The following ERVK3-1 variants were observed in gnomAD, a reference collection of about 807,000 sequenced individuals.
ERVK3-1 encodes the protein endogenous retrovirus group K3 member 1, also known as HERV-K(HML6-1).
At chr19:58,308,710 T>G (rs2051539299) in intron 2 of ERVK3-1, among the ~76,000 whole-genome samples, 2 of 152,136 alleles carry the variant, frequency 1.3e-5, no homozygotes, top group Admixed American at 6.6e-5. Flanking sequence ...CTCCACCCAC[T>G]GCCTTGCTGC....
rs1473196929 is a variant in ERVK3-1, at chr19:58,313,787, C to T, written c.295-961C>T. 6.6e-6 allele frequency among the ~76,000 whole-genome samples: 1 copy of T among 152,202 alleles called. No homozygotes were observed. The highest frequency in any genetic ancestry group is 1.5e-5 in the Non-Finnish European group (1 of 68,026). ...ATGGATCCCTGTCAATTTGTGCAAA[C>T]CTTGGGCTGCCACCCCTGCTTTACA... is the stretch of plus-strand genomic sequence containing the variant. On this transcript the variant is annotated intron_variant, in intron 3 of 3. Coordinates refer to ENST00000413518, the Ensembl canonical transcript of ERVK3-1. The surrounding 1 kb of genome is among the most constrained non-coding windows in gnomAD (Gnocchi z 4.5).
In ERVK3-1 at chr19:58,308,054, A is replaced by G. The variant is rs906604458; in HGVS notation, c.-4+1838A>G. Among the ~76,000 whole-genome samples the G allele has an allele frequency of 5.3e-5, 8 of 152,210 alleles. No individual in the cohort carries two copies. The East Asian group carries it at 1.3e-3, about 26-fold the overall frequency. On this transcript the variant is annotated intron_variant, in intron 2 of 3. Coordinates refer to ENST00000413518, the Ensembl canonical transcript of ERVK3-1. Reference sequence around the variant, plus strand: ...CCTGGATTGTTGACTCTGATTATGAAGGAGAAATTCAAGTAATTGTAATGT... The same window carrying G: ...CCTGGATTGTTGACTCTGATTATGAGGGAGAAATTCAAGTAATTGTAATGT...
At position 58,313,325 on chromosome 19, in the gene ERVK3-1, C is replaced by T. The variant is rs1325126536; in HGVS notation, c.294+863C>T. Among the ~76,000 whole-genome samples, 2 of 152,154 alleles carry T rather than the reference C, an allele frequency of 1.3e-5. No individual in the cohort carries two copies. The highest frequency in any genetic ancestry group is 2.9e-5 in the Non-Finnish European group (2 of 68,036). On this transcript the variant is annotated intron_variant, in intron 3 of 3. Transcript: ENST00000413518. This position sits in a 1 kb window ranked among gnomAD's most constrained non-coding sequence, Gnocchi z 4.5. ...TGTTTGAGATGGAGTCTCACTCTGT[C>T]GCCCAGGCTGGAGTGCAGTGGCGCA...
intron 3 of ERVK3-1, among the ~76,000 whole-genome samples, chr19:58,314,400 G>A (rs2051576580): frequency 6.6e-6 from 1 of 151,952 alleles, no homozygotes; most frequent in South Asian, 2.1e-4. Context: ...GCCGAGGCAG[G>A]CAGATCACGA....
chr19:58,306,904 G>C (rs973993895), intron 2 of ERVK3-1, among the ~76,000 whole-genome samples: 7 of 152,238 alleles, frequency 4.6e-5, no homozygotes, highest in African/African-American at 1.7e-4. Flanking sequence ...AGGATTGTTA[G>C]AATCTGTATT....
Position 58,314,223 on chromosome 19 carries a change from T to C in ERVK3-1, c.295-525T>C, listed in dbSNP as rs368649212. Among the ~76,000 whole-genome samples the C allele has an allele frequency of 8.5e-5, 13 of 152,322 alleles. No individual in the cohort carries two copies. In the South Asian group the frequency reaches 2.7e-3, roughly 32 times the overall value. Reference sequence around the variant, plus strand: ...TTGCAGGGAGCTTTTACATCCAATATTACTTTTGATATCAGTAACTTACAG... The same window carrying C: ...TTGCAGGGAGCTTTTACATCCAATACTACTTTTGATATCAGTAACTTACAG... On this transcript the variant is annotated intron_variant, in intron 3 of 3. Transcript: ENST00000413518.
downstream of ERVK3-1, among the ~76,000 whole-genome samples, chr19:58,316,234 C>G (rs531060591): frequency 6.6e-6 from 1 of 152,320 alleles, no homozygotes; most frequent in East Asian, 1.9e-4. Context: ...CCTCATGGTT[C>G]TCCTGCCTCC....
At position 58,313,270 on chromosome 19, in the gene ERVK3-1, GT is replaced by G. The variant is rs1261833866; in HGVS notation, c.294+811del. ...AAAAAATATTACCACTCAATTTACG[GT>G]TTGTGGGTTTTTTGTTGTTGTTGTT... On this transcript the variant is annotated intron_variant, in intron 3 of 3. Transcript: ENST00000413518. This position sits in a 1 kb window ranked among gnomAD's most constrained non-coding sequence, Gnocchi z 4.5. Among the ~76,000 whole-genome samples, 1 of 152,052 alleles carries G rather than the reference GT, an allele frequency of 6.6e-6. No homozygotes were observed. The highest frequency in any genetic ancestry group is 2.4e-5 in the African/African-American group (1 of 41,382).
At chr19:58,307,419 G>A (rs1370632198) in intron 2 of ERVK3-1, among the ~76,000 whole-genome samples, 1 of 152,222 alleles carries the variant, frequency 6.6e-6, no homozygotes, top group Non-Finnish European at 1.5e-5. Context: ...CTGTCAGGAT[G>A]TGGGAACTGA....
downstream of ERVK3-1, among the ~76,000 whole-genome samples, chr19:58,316,244 C>A (rs1054950697): frequency 3.3e-5 from 5 of 152,188 alleles, no homozygotes; most frequent in Non-Finnish European, 5.9e-5. Context: ...CTCCTGCCTC[C>A]CGTTGCCCCC....
Position 58,314,435 on chromosome 19 carries a change from G to A in ERVK3-1, c.295-313G>A, listed in dbSNP as rs193013846. Among the ~76,000 whole-genome samples the A allele has an allele frequency of 3.5e-3, 526 of 152,010 alleles. 2 individuals carry two copies. Among genetic ancestry groups the A allele is most frequent in the African/African-American group, 0.012 (504 of 41,464 alleles). ...AGGTCAGAAGATCGAGACCATCCTG[G>A]CTAAAACAGTGAAACCCCATCTCTA... On this transcript the variant is annotated intron_variant, in intron 3 of 3. Coordinates refer to ENST00000413518, the Ensembl canonical transcript of ERVK3-1.
At chr19:58,314,620 C>A (rs1195083548) in intron 3 of ERVK3-1, 128 bp from the exon 4 acceptor site, 23 of 330,786 alleles carry the variant, frequency 7.0e-5, no homozygotes, top group Non-Finnish European at 1.1e-4. Context: ...GAGCGAGACT[C>A]CATCTCAAAA....
At position 58,313,312 on chromosome 19, in the gene ERVK3-1, A is replaced by T. The variant is rs763090873; in HGVS notation, c.294+850A>T. Among the ~76,000 whole-genome samples, 4 of 152,110 alleles carry T rather than the reference A, an allele frequency of 2.6e-5. No individual in the cohort carries two copies. The highest frequency in any genetic ancestry group is 4.4e-5 in the Non-Finnish European group (3 of 68,030). On this transcript the variant is annotated intron_variant, in intron 3 of 3. Transcript: ENST00000413518. The surrounding 1 kb of genome is among the most constrained non-coding windows in gnomAD (Gnocchi z 4.5). ...TGTTGTTGTTAACTGTTTGAGATGG[A>T]GTCTCACTCTGTCGCCCAGGCTGGA...
At position 58,314,743 on chromosome 19, in the gene ERVK3-1, C is replaced by G. The variant is rs763687889; in HGVS notation, c.295-5C>G. ...GTTGTTATGTCTCTGTTTTTTTGCT[C>G]ATAGTCTATAGGATCGGGTGAACCA... is the stretch of plus-strand genomic sequence containing the variant. On this transcript the variant is annotated splice_polypyrimidine_tract_variant and splice_region_variant and intron_variant, in intron 3 of 3. Transcript: ENST00000413518. 2.5e-6 allele frequency: 1 copy of G among 396,444 alleles called. No individual in the cohort carries two copies. The allele number at this position is 396,444 out of a possible 1,614,324, so 24.6% of individuals were successfully genotyped here. A position where few individuals can be genotyped will look rare whatever the true frequency, so the allele number is the denominator to read the frequency against.
In ERVK3-1 at chr19:58,310,902, G is replaced by C. The variant is rs753519755; in HGVS notation, c.-3-1264G>C. On this transcript the variant is annotated intron_variant, in intron 2 of 3. Coordinates refer to ENST00000413518, the Ensembl canonical transcript of ERVK3-1. The surrounding 1 kb of genome is among the most constrained non-coding windows in gnomAD (Gnocchi z 4.7). ...ACACTTTTCGCTACCGCTAGACCAC[G>C]GTCTTCCCAAACGCTGGCGTCACCA... 5.1e-6 allele frequency: 2 copies of C among 390,628 alleles called. No individual in the cohort carries two copies. Among genetic ancestry groups the C allele is most frequent in the Non-Finnish European group, 1.0e-5 (2 of 190,528 alleles). The allele number at this position is 390,628 out of a possible 1,614,324, so 24.2% of individuals were successfully genotyped here.
At chr19:58,311,373 A>C (rs1445158613) in intron 2 of ERVK3-1, 2 of 152,172 alleles carry the variant, frequency 1.3e-5, no homozygotes, top group Non-Finnish European at 1.5e-5. Context: ...TGGGGCCACT[A>C]TCTCTAGGTA....
intron 2 of ERVK3-1, among the ~76,000 whole-genome samples, chr19:58,307,305 A>G (rs189430863): frequency 7.5e-4 from 114 of 152,376 alleles, no homozygotes; most frequent in Admixed American, 1.8e-3. Context: ...TGCTCCTGCG[A>G]AAATGCTTAC....
rs1395684708 is a variant in ERVK3-1 at position 58,312,623 on chromosome 19, A to G, written c.294+161A>G. ...ACTCCGTCTGACACAGAGCAATAGC[A>G]TCAATTACACCGGCCCATTGGAAGG... On this transcript the variant is annotated intron_variant, in intron 3 of 3. Coordinates refer to ENST00000413518, the Ensembl canonical transcript of ERVK3-1. The surrounding 1 kb of genome is among the most constrained non-coding windows in gnomAD (Gnocchi z 4.7). 6.6e-6 allele frequency among the ~76,000 whole-genome samples: 1 copy of G among 152,172 alleles called. No homozygotes were observed.
exon 4 of ERVK3-1, chr19:58,315,289 C>T (rs2038669830): frequency 6.6e-6 from 1 of 152,382 alleles, no homozygotes; most frequent in Non-Finnish European, 1.5e-5. Context: ...GTTGATGCCA[C>T]CTGTATGTGC....
Sources: allele counts gnomAD v4.1 joint callset (sites outside exome capture counted in the v4.1 genomes callset), GRCh38; gene constraint gnomAD v4.1.1; non-coding constraint Gnocchi (gnomAD v3.1); transcripts MANE v1.5; gene names NCBI Gene and HGNC (gene_info 2026-07-23, HGNC 2026-07-21).